Variants in ATF6 observed in about 807,000 individuals in gnomAD.
The protein encoded by ATF6 is activating transcription factor 6.
ATF6 carries 53 observed loss-of-function variants against 83.6 expected under a neutral mutation model. That is an observed-to-expected ratio of 0.63 (90% CI 0.51 to 0.80). The LOEUF is 0.80. Among genes scored for constraint, ATF6 ranks in the 30% least tolerant of loss-of-function variants. ATF6 has a pLI of 0.00. For missense variants in ATF6, 744 were observed against 797.9 expected, an observed-to-expected ratio of 0.93 and a Z score of 0.81; for synonymous variants, 288 against 285.8, an observed-to-expected ratio of 1.01 and a Z score of -0.08.
intron 7 of ATF6, among the ~76,000 whole-genome samples, chr1:161,804,280 GA>G (rs1175496979): frequency 2.6e-5 from 4 of 151,628 alleles, no homozygotes; most frequent in South Asian, 2.1e-4. Context: ...TTTTAGACAT[GA>G]AAAAAAGATA....
Position 161,915,719 on chromosome 1 carries a change from G to A in ATF6, c.1804+3339G>A, listed in dbSNP as rs1024402790. On this transcript the variant is annotated intron_variant, in intron 15 of 15. Coordinates refer to ENST00000367942, the MANE Select transcript of ATF6 (RefSeq NM_007348.4). ...GGCTCACTCCAGCCTCCACCTCCTGGGCTCAAGCAGTTCTCCCACTTCAGC... is the reference window on the plus strand; with the variant it reads ...GGCTCACTCCAGCCTCCACCTCCTGAGCTCAAGCAGTTCTCCCACTTCAGC... Among the ~76,000 whole-genome samples, 3 of 151,678 alleles carry A rather than the reference G, an allele frequency of 2.0e-5. No individual in the cohort carries two copies. In the South Asian group the frequency reaches 6.3e-4, roughly 32 times the overall value.
intron 9 of ATF6, among the ~76,000 whole-genome samples, chr1:161,829,846 CAT>C (rs985742995): frequency 2.0e-5 from 3 of 152,156 alleles, no homozygotes; most frequent in African/African-American, 7.2e-5. Context: ...CAGCCAATAT[CAT>C]ACTGAATGGG....
intron 14 of ATF6, among the ~76,000 whole-genome samples, chr1:161,888,030 T>C (rs1687464681): frequency 6.6e-6 from 1 of 152,140 alleles, no homozygotes; most frequent in East Asian, 1.9e-4. Context: ...GGAAGAAAAA[T>C]TAGGGGCTGT....
chr1:161,873,193 A>C (rs1687151785), intron 14 of ATF6, among the ~76,000 whole-genome samples: 2 of 151,638 alleles, frequency 1.3e-5, no homozygotes. Context: ...GAGATATCAA[A>C]AGTCTTTTAA....
chr1:161,887,723 C>T (rs1687456744), intron 14 of ATF6, among the ~76,000 whole-genome samples: 1 of 152,168 alleles, frequency 6.6e-6, no homozygotes, highest in South Asian at 2.1e-4. Flanking sequence ...ACCCCAGAAT[C>T]GCTTCTTCAC....
At chr1:161,941,783 T>G (rs1688649856) in intron 15 of ATF6, among the ~76,000 whole-genome samples, 1 of 152,226 alleles carries the variant, frequency 6.6e-6, no homozygotes, top group Non-Finnish European at 1.5e-5. Flanking sequence ...CTTGACAAGT[T>G]TTTAGTGCTT....
intron 7 of ATF6, among the ~76,000 whole-genome samples, chr1:161,819,232 T>A (rs1343090496): frequency 1.3e-5 from 2 of 152,158 alleles, no homozygotes; most frequent in Admixed American, 6.5e-5. Context: ...GAAGTGGTAA[T>A]AACTGTAAGA....
At chr1:161,912,760 A>T (rs1363712904) in intron 15 of ATF6, among the ~76,000 whole-genome samples, 1 of 152,158 alleles carries the variant, frequency 6.6e-6, no homozygotes, top group Non-Finnish European at 1.5e-5. Flanking sequence ...CTAAATGTTG[A>T]TATCATCCTA....
At chr1:161,869,439 C>T (rs539292217) in intron 14 of ATF6, among the ~76,000 whole-genome samples, 16 of 151,916 alleles carry the variant, frequency 1.1e-4, no homozygotes, top group African/African-American at 2.7e-4. Context: ...GTTTCTGAGA[C>T]CTCAAAACTT....
chr1:161,945,950 C>T (rs191446912), intron 15 of ATF6, among the ~76,000 whole-genome samples: 17 of 152,232 alleles, frequency 1.1e-4, no homozygotes, highest in African/African-American at 2.6e-4. Flanking sequence ...TAAGTACTTA[C>T]GTAAGATGCT....
At chr1:161,776,964 C>T (rs1557954392) in intron 1 of ATF6, among the ~76,000 whole-genome samples, 2 of 152,160 alleles carry the variant, frequency 1.3e-5, no homozygotes, top group African/African-American at 4.8e-5. Flanking sequence ...AGGTCAACCA[C>T]TGAGGTGGGA....
chr1:161,868,759 A>C (rs113333777), intron 14 of ATF6, among the ~76,000 whole-genome samples: 1 of 149,998 alleles, frequency 6.7e-6, no homozygotes, highest in Non-Finnish European at 1.5e-5. Flanking sequence ...TTAGTTAAAG[A>C]TGATCTCTGT....
chr1:161,797,817 T>A (rs1192353466), intron 6 of ATF6, among the ~76,000 whole-genome samples: 1 of 152,204 alleles, frequency 6.6e-6, no homozygotes, highest in Non-Finnish European at 1.5e-5. Context: ...TAGGAAAAAC[T>A]ATTCTAAAGT....
At position 161,821,125 on chromosome 1, in the gene ATF6, T is replaced by G; in HGVS notation, c.1151T>G (p.Val384Gly). ...CGAAGAGTTGTCTGTGTGATGATAGTATTGGCATTTATAATACTGAACTAT... is the reference window on the plus strand; with the variant it reads ...CGAAGAGTTGTCTGTGTGATGATAGGATTGGCATTTATAATACTGAACTAT... ...PKRRVVCVMI[V>G]LAFIILNYGP... The change falls in exon 9 of 16, where the codon GTA becomes GGA. Residue 384 changes from valine (V) to glycine (G), a missense_variant. Coordinates refer to ENST00000367942, the MANE Select transcript of ATF6 (RefSeq NM_007348.4). The G allele has an allele frequency of 6.2e-7, 1 of 1,612,902 alleles. No homozygotes were observed. The highest frequency in any genetic ancestry group is 8.5e-7 in the Non-Finnish European group (1 of 1,179,266).
chr1:161,766,350 G>A lies in ATF6; in HGVS notation c.-11G>A. The A allele has an allele frequency of 1.2e-6, 2 of 1,613,022 alleles. No homozygotes were observed. Among genetic ancestry groups the A allele is most frequent in the South Asian group, 1.1e-5 (1 of 90,828 alleles). On this transcript the variant is annotated 5_prime_UTR_variant, in exon 1 of 16. Transcript: ENST00000367942. ...TTAATCACGGAGTTCCAGGGAGAAGGAACTTGTGAAATGGGGGAGCCGGCT... is the reference window on the plus strand; with the variant it reads ...TTAATCACGGAGTTCCAGGGAGAAGAAACTTGTGAAATGGGGGAGCCGGCT...
At chr1:161,923,179 T>C (rs568568021) in intron 15 of ATF6, among the ~76,000 whole-genome samples, 229 of 152,300 alleles carry the variant, frequency 1.5e-3, no homozygotes, top group Admixed American at 2.5e-3. Flanking sequence ...TTTATGGCTT[T>C]ATCTAACACT....
At chr1:161,911,753 A>C (rs561405645) in intron 14 of ATF6, among the ~76,000 whole-genome samples, 1 of 152,298 alleles carries the variant, frequency 6.6e-6, no homozygotes, top group South Asian at 2.1e-4. Context: ...ACATGTTGAT[A>C]ATTTCTTTCT....
chr1:161,812,945 T>A (rs1444731887), intron 7 of ATF6, among the ~76,000 whole-genome samples: 1 of 152,142 alleles, frequency 6.6e-6, no homozygotes. Flanking sequence ...GATTCAAGCC[T>A]AGCTCAATTA....
At chr1:161,923,709 C>A (rs1294621529) in intron 15 of ATF6, among the ~76,000 whole-genome samples, 3 of 152,134 alleles carry the variant, frequency 2.0e-5, no homozygotes, top group Non-Finnish European at 2.9e-5. Flanking sequence ...TTTATTAGAA[C>A]CTTCACAAGA....
Sources: gnomAD v4.1 joint callset for allele counts (sites outside exome capture counted in the v4.1 genomes callset) on GRCh38, gnomAD v4.1.1 for gene constraint, MANE v1.5 for transcripts, NCBI Gene and HGNC (gene_info 2026-07-23, HGNC 2026-07-21) for gene names.